Variants in SHBG observed in about 807,000 individuals in gnomAD.
SHBG encodes sex hormone binding globulin.
SHBG carries 37 observed loss-of-function variants against 41.9 expected under a neutral mutation model. The observed-to-expected ratio is 0.88, with a 90% CI of 0.68 to 1.16. The LOEUF (loss-of-function observed/expected upper bound fraction) is 1.16. SHBG is among the 50% of genes most tolerant of loss of function. The pLI is 0.00. For missense variants in SHBG, 466 were observed against 499.9 expected, an observed-to-expected ratio of 0.93 and a Z score of 0.65; for synonymous variants, 217 against 205.8, an observed-to-expected ratio of 1.05 and a Z score of -0.47.
chr17:7,624,797 G>A (rs990766986), upstream of SHBG, among the ~76,000 whole-genome samples: 1 of 151,458 alleles, frequency 6.6e-6, no homozygotes, highest in African/African-American at 2.4e-5. Context: ...GCCTAGAGGA[G>A]CATGCCATTG....
At chr17:7,618,245 C>T (rs1415743773) in intron 1 of SHBG, among the ~76,000 whole-genome samples, 1 of 151,364 alleles carries the variant, frequency 6.6e-6, no homozygotes, top group African/African-American at 2.4e-5. Flanking sequence ...TATTTCCAAC[C>T]TCGTTTCCTA....
upstream of SHBG, chr17:7,626,688 G>A (rs2072218515): frequency 3.1e-6 from 5 of 1,612,122 alleles, no homozygotes; most frequent in South Asian, 1.1e-5. Flanking sequence ...CTTTCAACCC[G>A]GGTCCCCCCT....
chr17:7,616,166 G>A (rs1241646738), intron 1 of SHBG, among the ~76,000 whole-genome samples: 1 of 150,110 alleles, frequency 6.7e-6, no homozygotes, highest in Non-Finnish European at 1.5e-5. Flanking sequence ...AATTAGCCGT[G>A]GTAGTTCCAG....
upstream of SHBG, chr17:7,628,113 T>C (rs1409450466): frequency 1.1e-5 from 5 of 462,320 alleles, no homozygotes; most frequent in African/African-American, 7.9e-5. Flanking sequence ...AGTGATAACC[T>C]GCTTTAGCCT....
rs2072459476 is a variant in SHBG at position 7,632,743 on chromosome 17, A to G, written c.853-9A>G. The G allele has an allele frequency of 6.2e-7, 1 of 1,609,710 alleles. No homozygotes were observed. The highest frequency in any genetic ancestry group is 8.5e-7 in the Non-Finnish European group (1 of 1,176,900). Reference sequence around the variant, plus strand: ...TCTCTCTACCGTCCCTTTCCCACACACTCTGCAGAAGGTGGTGTTGTCTTC... The same window carrying G: ...TCTCTCTACCGTCCCTTTCCCACACGCTCTGCAGAAGGTGGTGTTGTCTTC... On this transcript the variant is annotated splice_polypyrimidine_tract_variant and intron_variant, in intron 6 of 7. Coordinates refer to ENST00000380450, the MANE Select transcript of SHBG (RefSeq NM_001040.5).
At chr17:7,617,588 G>A (rs985293720) in intron 1 of SHBG, among the ~76,000 whole-genome samples, 12 of 152,014 alleles carry the variant, frequency 7.9e-5, no homozygotes, top group African/African-American at 2.9e-4. Flanking sequence ...GGGTGACAGA[G>A]CGAGACTCCA....
chr17:7,614,505 C>A (rs775151181), intron 1 of SHBG: 1 of 1,529,604 alleles, frequency 6.5e-7, no homozygotes. Context: ...CCCGGCTCCA[C>A]ATCCCCCCCA....
chr17:7,618,555 C>T (rs925409379), intron 1 of SHBG, among the ~76,000 whole-genome samples: 8 of 152,162 alleles, frequency 5.3e-5, no homozygotes, highest in Admixed American at 4.6e-4. Context: ...GGGTCACCCA[C>T]CTCGGCTGCC....
chr17:7,619,973 C>A (rs771538097), intron 1 of SHBG, among the ~76,000 whole-genome samples: 2 of 152,012 alleles, frequency 1.3e-5, no homozygotes, highest in Non-Finnish European at 2.9e-5. Context: ...TGCCTGTAAT[C>A]CCAGCCCTTT....
chr17:7,628,741 C>T (rs989833214), upstream of SHBG, among the ~76,000 whole-genome samples: 1 of 152,086 alleles, frequency 6.6e-6, no homozygotes. Context: ...CCACCAAGCC[C>T]GGTCTGTCAT....
At chr17:7,622,936 C>T (rs2072125532) in intron 1 of SHBG, among the ~76,000 whole-genome samples, 1 of 150,938 alleles carries the variant, frequency 6.6e-6, no homozygotes, top group Non-Finnish European at 1.5e-5. Context: ...ACTTGGGAGG[C>T]TGAGGGAGGA....
chr17:7,629,303 G>T (rs1286430857), upstream of SHBG, among the ~76,000 whole-genome samples: 3 of 151,780 alleles, frequency 2.0e-5, no homozygotes, highest in African/African-American at 7.3e-5. Context: ...GCTTGAACTC[G>T]AGAGGCAGAG....
At chr17:7,631,088 C>T in intron 3 of SHBG, 112 bp from the exon 4 acceptor site, 1 of 1,166,942 alleles carries the variant, frequency 8.6e-7, no homozygotes, top group Non-Finnish European at 1.2e-6. Flanking sequence ...GCCAAGGATG[C>T]TAGCTGCTTC....
chr17:7,631,995 A>G lies in SHBG; in HGVS notation c.832A>G (p.Ser278Gly). The change falls in exon 6 of 8, where the codon AGT (serine) becomes GGT (glycine). Residue 278 changes from serine (S) to glycine (G), a missense_variant. Transcript: ENST00000380450. ...LGTPENPSWL[S>G]LHLQDQKVVL... ...GACACCAGAGAACCCATCTTGGCTC[A>G]GTCTCCACCTCCAAGATCAAGTAAA... 2 of 1,613,910 alleles carry G rather than the reference A, an allele frequency of 1.2e-6. No homozygotes were observed. The highest frequency in any genetic ancestry group is 1.7e-6 in the Non-Finnish European group (2 of 1,180,006).
In SHBG at chr17:7,631,745, C is replaced by T. The variant is rs752983461; in HGVS notation, c.712C>T (p.Arg238Ter). The change falls in exon 5 of 8, where the codon CGA becomes TGA. Residue 238 changes from arginine to a stop codon, truncating the protein, a stop_gained. Transcript: ENST00000380450. LOFTEE classifies it high-confidence loss of function. ...AGGGACTCAGGCAGAATTCAATCTCCGAGGTAGATTTCCTCGGAGTCTATT... is the reference window on the plus strand; with the variant it reads ...AGGGACTCAGGCAGAATTCAATCTCTGAGGTAGATTTCCTCGGAGTCTATT... Reference protein sequence around the residue: ...PPGTQAEFNLRDIPQPHAEPW... With the variant: ...PPGTQAEFNL 5 of 1,614,008 alleles carry T rather than the reference C, an allele frequency of 3.1e-6. No homozygotes were observed. The highest frequency in any genetic ancestry group is 1.6e-4 in the Middle Eastern group (1 of 6,062).
intron 1 of SHBG, among the ~76,000 whole-genome samples, chr17:7,615,494 G>A (rs1298387384): frequency 6.6e-6 from 1 of 152,228 alleles, no homozygotes; most frequent in Non-Finnish European, 1.5e-5. Context: ...TTACCTTGAA[G>A]AGATTGTGAT....
rs376913014 is a variant in SHBG, at chr17:7,630,319, T to C, written c.111+36T>C. 1.2e-5 allele frequency: 19 copies of C among 1,588,948 alleles called. No homozygotes were observed. Among genetic ancestry groups the C allele is most frequent in the Non-Finnish European group, 1.5e-5 (17 of 1,157,614 alleles). On this transcript the variant is annotated intron_variant, in intron 1 of 7. Coordinates refer to ENST00000380450, the MANE Select transcript of SHBG (RefSeq NM_001040.5). This position sits in a 1 kb window ranked among gnomAD's most constrained non-coding sequence, Gnocchi z 4.6. Reference sequence around the variant, plus strand: ...GGGACAGGGCACTCAGCTCATGCAGTCTTCCCTTCTCTCCTCTGGCCCTGT... The same window carrying C: ...GGGACAGGGCACTCAGCTCATGCAGCCTTCCCTTCTCTCCTCTGGCCCTGT...
Position 7,630,236 on chromosome 17 carries a change from C to T in SHBG, c.64C>T (p.Arg22Cys), listed in dbSNP as rs375872651. Residue 22 changes from arginine (R) to cysteine (C), a missense_variant, in exon 1 of 8, where the codon CGT becomes TGT. Coordinates refer to ENST00000380450, the MANE Select transcript of SHBG (RefSeq NM_001040.5). The surrounding 1 kb of genome is among the most constrained non-coding windows in gnomAD (Gnocchi z 4.6). ...GCTGTTGCTGCTGTTGCTACTACTG[C>T]GTCACACCCGCCAGGGATGGGCCCT... Reference protein sequence around the residue: ...LLLLLLLLLLRHTRQGWALRP... With the variant: ...LLLLLLLLLLCHTRQGWALRP... 1.4e-5 allele frequency: 22 copies of T among 1,610,982 alleles called. No individual in the cohort carries two copies. The highest frequency in any genetic ancestry group is 1.5e-5 in the Non-Finnish European group (18 of 1,178,776).
At chr17:7,626,030 C>T (rs1345687523), upstream of SHBG, among the ~76,000 whole-genome samples, 1 of 148,980 alleles carries the variant, frequency 6.7e-6, no homozygotes, top group Admixed American at 6.7e-5. Flanking sequence ...GGTGAAACAC[C>T]GTCTCTACTA....
Sources: allele counts gnomAD v4.1 joint callset (sites outside exome capture counted in the v4.1 genomes callset), GRCh38; gene constraint gnomAD v4.1.1; non-coding constraint Gnocchi (gnomAD v3.1); transcripts MANE v1.5; gene names NCBI Gene and HGNC (gene_info 2026-07-23, HGNC 2026-07-21).